CRK: variants seen among roughly 807,000 people sequenced by gnomAD.
CRK encodes the protein CRK proto-oncogene, adaptor protein.
Under a neutral mutation model 29.8 loss-of-function variants are expected in CRK, and 4 were observed. That is an observed-to-expected ratio of 0.13 (90% CI 0.07 to 0.31). The LOEUF is 0.31. Ranked by LOEUF, CRK falls within the 10% of genes least tolerant of loss-of-function variation. The pLI is 1.00. For synonymous variants in CRK, 153 were observed against 164.9 expected (o/e 0.93, Z 0.55); for missense variants, 274 against 396.5 (o/e 0.69, Z 2.62).
At chr17:1,454,812 G>A (rs573569431) in intron 1 of CRK, among the ~76,000 whole-genome samples, 2 of 152,124 alleles carry the variant, frequency 1.3e-5, no homozygotes, top group Non-Finnish European at 2.9e-5. Context: ...CAAATCTCCA[G>A]TACTAAGGGC....
chr17:1,437,950 G>A (rs538399887), intron 1 of CRK, among the ~76,000 whole-genome samples: 3 of 151,818 alleles, frequency 2.0e-5, no homozygotes, highest in Non-Finnish European at 2.9e-5. Flanking sequence ...ACAGGTGTGA[G>A]CTACTGCGCC....
chr17:1,427,030 CAAAAAAAAAAAAAAAAAAAAAAAAAAAAA>C (rs562515421), intron 2 of CRK, among the ~76,000 whole-genome samples: 8 of 35,304 alleles, frequency 2.3e-4, no homozygotes, highest in Non-Finnish European at 2.4e-4. Flanking sequence ...AAACTGTCTC[CAAAAAAAAAAAAAAAAAAAAAAAAAAAAA>C]AAAAAAAAAA....
intron 2 of CRK, among the ~76,000 whole-genome samples, chr17:1,427,079 G>A (rs2073787316): frequency 8.9e-6 from 1 of 112,820 alleles, no homozygotes; most frequent in African/African-American, 3.2e-5. Context: ...AAAAGATTCT[G>A]ACATGCCCCA....
chr17:1,439,197 G>A (rs900750291), intron 1 of CRK, among the ~76,000 whole-genome samples: 2 of 151,848 alleles, frequency 1.3e-5, no homozygotes, highest in African/African-American at 2.4e-5. Flanking sequence ...CCGGGTTCAC[G>A]TCATTCTCCT....
intron 1 of CRK, among the ~76,000 whole-genome samples, chr17:1,442,604 G>GT (rs1250848672): frequency 1.8e-5 from 2 of 109,348 alleles, no homozygotes; most frequent in African/African-American, 3.0e-5. Flanking sequence ...GTGTGAAAGG[G>GT]TCTTTTTTTT....
chr17:1,422,120 A>G lies in CRK; in HGVS notation c.*1393T>C, dbSNP rs75121449. 2.0e-5 allele frequency: 3 copies of G among 151,746 alleles called. No individual in the cohort carries two copies. Among genetic ancestry groups the G allele is most frequent in the Admixed American group, 6.6e-5 (1 of 15,202 alleles). The allele number at this position is 151,746 out of a possible 1,614,324, so 9.4% of individuals were successfully genotyped here. A position where few individuals can be genotyped will look rare whatever the true frequency, so the allele number is the denominator to read the frequency against. ...TCTCCCCATGAGAAATGAATAATAC[A>G]TAAGTAATTCACAATTGGTTCAACA... On this transcript the variant is annotated 3_prime_UTR_variant, in exon 3 of 3. Transcript: ENST00000300574.
At position 1,437,168 on chromosome 17, in the gene CRK, G is replaced by T; in HGVS notation, c.242-13C>A. ...GAGGGGCTCACCCCTGGAAAAAACA[G>T]AGCAGGCTGTTATTTAATGATGTAC... On this transcript the variant is annotated splice_polypyrimidine_tract_variant and intron_variant, in intron 1 of 2. Transcript: ENST00000300574. 6.4e-7 allele frequency: 1 copy of T among 1,573,296 alleles called. No homozygotes were observed. Among genetic ancestry groups the T allele is most frequent in the South Asian group, 1.2e-5 (1 of 85,040 alleles).
chr17:1,427,934 A>G (rs2073797447), intron 2 of CRK, among the ~76,000 whole-genome samples: 1 of 151,318 alleles, frequency 6.6e-6, no homozygotes, highest in Non-Finnish European at 1.5e-5. Flanking sequence ...CGCCCAGCCT[A>G]TATTGTCTTT....
chr17:1,436,808 C>T lies in CRK; in HGVS notation c.589G>A (p.Val197Ile). The T allele has an allele frequency of 6.3e-7, 1 of 1,582,356 alleles. No homozygotes were observed. Among genetic ancestry groups the T allele is most frequent in the Non-Finnish European group, 8.6e-7 (1 of 1,165,312 alleles). ...TGGTTACCTCCAATCAGAGCCGATA[C>T]TGAGGCGGAGGCAGGTCTATACTTC... is the stretch of plus-strand genomic sequence containing the variant. ...VEKYRPASAS[V>I]SALIGGNQEG... The change falls in exon 2 of 3, where the codon GTA becomes ATA. Residue 197 changes from valine (V) to isoleucine (I), a missense_variant. Val to Ile is a conservative substitution (Grantham distance 29). Coordinates refer to ENST00000300574, the MANE Select transcript of CRK (RefSeq NM_016823.4).
At chr17:1,444,598 G>GGA (rs1006212482) in intron 1 of CRK, among the ~76,000 whole-genome samples, 1 of 144,762 alleles carries the variant, frequency 6.9e-6, no homozygotes, top group Non-Finnish European at 1.5e-5. Context: ...GCCGAAGCGG[G>GGA]GGGGGGGATC....
At chr17:1,445,614 G>A (rs2073969332) in intron 1 of CRK, among the ~76,000 whole-genome samples, 1 of 152,210 alleles carries the variant, frequency 6.6e-6, no homozygotes, top group South Asian at 2.1e-4. Flanking sequence ...AAGTCTGGTA[G>A]TCAAGGAGAT....
rs78153955 is a variant in CRK, at chr17:1,425,665, G to A, written c.778-2015C>T. Among the ~76,000 whole-genome samples the A allele has an allele frequency of 1.1e-3, 167 of 152,338 alleles. 3 individuals are homozygous for A. In the East Asian group the frequency reaches 0.027, roughly 25 times the overall value. On this transcript the variant is annotated intron_variant, in intron 2 of 2. Coordinates refer to ENST00000300574, the MANE Select transcript of CRK (RefSeq NM_016823.4). ...CTGGGTTCCCTAAAAATGTACGCAG[G>A]CACATCTACTGGCCAAAGCCAACGT...
At chr17:1,431,518 G>A (rs573277794) in intron 2 of CRK, among the ~76,000 whole-genome samples, 2 of 151,798 alleles carry the variant, frequency 1.3e-5, no homozygotes, top group South Asian at 2.1e-4. Context: ...TCAGGAGATC[G>A]AGACCATCCT....
In CRK at chr17:1,447,658, G is replaced by T. The variant is rs180993924; in HGVS notation, c.241+8219C>A. On this transcript the variant is annotated intron_variant, in intron 1 of 2. Transcript: ENST00000300574. ...GAGTCTCCCTCTGTTGCCCAGGCTG[G>T]AGTACAGTGGTGCGATCTCAGCTCA... 2.8e-3 allele frequency among the ~76,000 whole-genome samples: 409 copies of T among 147,636 alleles called. 2 individuals carry two copies. The highest frequency in any genetic ancestry group is 9.7e-3 in the African/African-American group (383 of 39,674).
intron 1 of CRK, among the ~76,000 whole-genome samples, chr17:1,441,539 T>A (rs1030858622): frequency 6.6e-6 from 1 of 151,678 alleles, no homozygotes; most frequent in African/African-American, 2.4e-5. Flanking sequence ...TCACCCAGGC[T>A]GGAGTGCACT....
intron 1 of CRK, among the ~76,000 whole-genome samples, chr17:1,445,055 G>A (rs2073964017): frequency 6.6e-6 from 1 of 151,950 alleles, no homozygotes; most frequent in African/African-American, 2.4e-5. Flanking sequence ...GGCTGAGGCA[G>A]GAGAATGGCA....
intron 1 of CRK, among the ~76,000 whole-genome samples, chr17:1,438,959 G>T (rs573468952): frequency 1.1e-3 from 165 of 151,792 alleles, no homozygotes; most frequent in African/African-American, 3.7e-3. Context: ...CCAGCCTCAC[G>T]AATAGCTTCA....
chr17:1,438,456 G>C (rs1009603233), intron 1 of CRK, among the ~76,000 whole-genome samples: 6 of 152,076 alleles, frequency 3.9e-5, no homozygotes, highest in African/African-American at 1.4e-4. Flanking sequence ...ATCTAAGATA[G>C]GTGATCTCAA....
At chr17:1,434,812 CA>C (rs1222641177) in intron 2 of CRK, among the ~76,000 whole-genome samples, 1 of 123,448 alleles carries the variant, frequency 8.1e-6, no homozygotes, top group South Asian at 2.7e-4. Flanking sequence ...AAAAAAAATC[CA>C]AAAAAACCCA....
Sources: gnomAD v4.1 joint callset for allele counts (sites outside exome capture counted in the v4.1 genomes callset) on GRCh38, gnomAD v4.1.1 for gene constraint, MANE v1.5 for transcripts, NCBI Gene and HGNC (gene_info 2026-07-23, HGNC 2026-07-21) for gene names.